Variants in GPC5 observed in about 807,000 individuals in gnomAD.
GPC5 encodes the protein glypican-5.
A neutral mutation model predicts 53.9 loss-of-function variants in GPC5; 47 were observed. The observed-to-expected ratio is 0.87, with a 90% CI of 0.69 to 1.11. The LOEUF (loss-of-function observed/expected upper bound fraction) is 1.11, where lower values mean the gene tolerates loss of function less well. GPC5 is among the 50% of genes most tolerant of loss of function. The pLI, the probability that GPC5 is intolerant of heterozygous loss-of-function variation, is 0.00. For synonymous variants in GPC5, 286 were observed against 263.3 expected, an observed-to-expected ratio of 1.09 and a Z score of -0.84; for missense variants, 748 against 713.1, an observed-to-expected ratio of 1.05 and a Z score of -0.56.
At chr13:92,338,311 G>A (rs910132346) in intron 7 of GPC5, among the ~76,000 whole-genome samples, 9 of 152,090 alleles carry the variant, frequency 5.9e-5, no homozygotes, top group Non-Finnish European at 1.3e-4. Flanking sequence ...TGGAGCAACA[G>A]GAACTATCAA....
chr13:92,127,600 G>A (rs544620598), intron 6 of GPC5, among the ~76,000 whole-genome samples: 24 of 152,222 alleles, frequency 1.6e-4, no homozygotes, highest in African/African-American at 4.6e-4. Context: ...CTAAGCATCC[G>A]AACACCAGAT....
At chr13:92,549,376 T>C (rs1882231992) in intron 7 of GPC5, among the ~76,000 whole-genome samples, 1 of 152,152 alleles carries the variant, frequency 6.6e-6, no homozygotes, top group Non-Finnish European at 1.5e-5. Flanking sequence ...ATTTCCTCTT[T>C]TTAAAAATTA....
intron 7 of GPC5, chr13:92,721,488 G>T (rs1046618497): frequency 3.9e-5 from 6 of 152,008 alleles, no homozygotes; most frequent in African/African-American, 1.4e-4. Flanking sequence ...ACAAGGAAGA[G>T]AACTGCCAGT....
intron 1 of GPC5, among the ~76,000 whole-genome samples, chr13:91,443,725 G>GTTGTT (rs1566402863): frequency 6.6e-6 from 1 of 152,166 alleles, no homozygotes; most frequent in Non-Finnish European, 1.5e-5. Flanking sequence ...CTGGTTAGTC[G>GTTGTT]TTGTTTTGGG....
chr13:91,952,538 T>G (rs2040036912), intron 6 of GPC5, among the ~76,000 whole-genome samples: 1 of 152,092 alleles, frequency 6.6e-6, no homozygotes. Context: ...GCAGTATGTT[T>G]GCAGAGATAT....
Position 91,399,210 on chromosome 13 carries a change from G to A in GPC5, c.163+1G>A, listed in dbSNP as rs1290410814. 2 of 1,611,346 alleles carry A rather than the reference G, an allele frequency of 1.2e-6. No homozygotes were observed. Among genetic ancestry groups the A allele is most frequent in the Non-Finnish European group, 1.7e-6 (2 of 1,179,428 alleles). Reference sequence around the variant, plus strand: ...GGGCTGCCGGATTCGCCGCGGGCAGGTAAGGGGCAATGAGGGGGTCTCTGG... The same window carrying A: ...GGGCTGCCGGATTCGCCGCGGGCAGATAAGGGGCAATGAGGGGGTCTCTGG... On this transcript the variant is annotated splice_donor_variant, in intron 1 of 7. Coordinates refer to ENST00000377067, the MANE Select transcript of GPC5 (RefSeq NM_004466.6). LOFTEE classifies it high-confidence loss of function.
At chr13:91,650,146 G>C (rs567666952) in intron 2 of GPC5, among the ~76,000 whole-genome samples, 2 of 152,194 alleles carry the variant, frequency 1.3e-5, no homozygotes, top group South Asian at 4.2e-4. Context: ...TGTATATGAA[G>C]TATGTATGTT....
intron 7 of GPC5, among the ~76,000 whole-genome samples, chr13:92,213,269 T>C (rs1439949601): frequency 2.0e-5 from 3 of 152,226 alleles, no homozygotes; most frequent in Non-Finnish European, 4.4e-5. Flanking sequence ...AACATATATA[T>C]GACAAACTTT....
At chr13:92,225,068 G>T (rs867928552) in intron 7 of GPC5, among the ~76,000 whole-genome samples, 13 of 150,862 alleles carry the variant, frequency 8.6e-5, no homozygotes, top group Non-Finnish European at 1.3e-4. Flanking sequence ...TGGTTTCCTA[G>T]CCCCATACCA....
At chr13:91,927,856 C>T (rs530568989) in intron 6 of GPC5, among the ~76,000 whole-genome samples, 6 of 152,200 alleles carry the variant, frequency 3.9e-5, no homozygotes, top group Admixed American at 6.5e-5. Context: ...AAAATGGAGT[C>T]ATTGGGAAAA....
intron 7 of GPC5, among the ~76,000 whole-genome samples, chr13:92,334,651 A>G (rs577306677): frequency 3.9e-5 from 6 of 152,276 alleles, no homozygotes; most frequent in South Asian, 4.1e-4. Context: ...TGTAAAATCA[A>G]AAGCTAGTTA....
At chr13:92,671,218 A>G (rs1433256972) in intron 7 of GPC5, among the ~76,000 whole-genome samples, 8 of 152,196 alleles carry the variant, frequency 5.3e-5, no homozygotes, top group Non-Finnish European at 8.8e-5. Flanking sequence ...CTGTAAAAAA[A>G]ACATTCCGAA....
At chr13:92,614,038 G>T (rs769176043) in intron 7 of GPC5, among the ~76,000 whole-genome samples, 9 of 151,948 alleles carry the variant, frequency 5.9e-5, no homozygotes, top group African/African-American at 4.8e-5. Context: ...GCTTATGAAG[G>T]GTTCTGCATG....
chr13:91,916,138 A>G (rs1163645066), intron 6 of GPC5, among the ~76,000 whole-genome samples: 1 of 152,200 alleles, frequency 6.6e-6, no homozygotes, highest in Non-Finnish European at 1.5e-5. Flanking sequence ...TGTATAATAA[A>G]AATGACAGGT....
intron 7 of GPC5, among the ~76,000 whole-genome samples, chr13:92,543,702 C>T (rs1453602944): frequency 6.6e-6 from 1 of 151,786 alleles, no homozygotes; most frequent in Non-Finnish European, 1.5e-5. Flanking sequence ...GTGAATATAG[C>T]TATATTAGAT....
intron 2 of GPC5, among the ~76,000 whole-genome samples, chr13:91,484,788 T>C (rs2139229861): frequency 6.6e-6 from 1 of 152,258 alleles, no homozygotes; most frequent in Non-Finnish European, 1.5e-5. Context: ...CCTCTAGAAA[T>C]GGAAAACAGT....
In GPC5 at chr13:91,895,485, T is replaced by G. The variant is rs956858433; in HGVS notation, c.1281-12452T>G. Among the ~76,000 whole-genome samples the G allele has an allele frequency of 3.3e-5, 5 of 152,306 alleles. No individual in the cohort carries two copies. In the East Asian group the frequency reaches 9.6e-4, roughly 29 times the overall value. On this transcript the variant is annotated intron_variant, in intron 5 of 7. Coordinates refer to ENST00000377067, the MANE Select transcript of GPC5 (RefSeq NM_004466.6). ...TGGGCAGATATTCTCACAGAAATGT[T>G]TTTTTGTGTAAGGCTACAAAGACCT...
intron 7 of GPC5, chr13:92,446,588 A>G (rs1877836437): frequency 6.6e-6 from 1 of 152,098 alleles, no homozygotes; most frequent in Non-Finnish European, 1.5e-5. Context: ...TCTGCAATAA[A>G]CATGAGAGTG....
At chr13:91,676,960 T>C (rs911013567) in intron 2 of GPC5, among the ~76,000 whole-genome samples, 2 of 152,228 alleles carry the variant, frequency 1.3e-5, no homozygotes, top group African/African-American at 4.8e-5. Flanking sequence ...AACACTTCAC[T>C]ATATATGGAT....
Sources: allele counts gnomAD v4.1 joint callset (sites outside exome capture counted in the v4.1 genomes callset), GRCh38; gene constraint gnomAD v4.1.1; transcripts MANE v1.5; gene names NCBI Gene and HGNC (gene_info 2026-07-23, HGNC 2026-07-21).